Variants in NR3C2 observed in about 807,000 individuals in gnomAD.
NR3C2 encodes the protein nuclear receptor subfamily 3 group C member 2, also known as mineralocorticoid receptor.
In NR3C2, 15 loss-of-function variants were observed where a neutral mutation model predicts 86.4. The observed-to-expected ratio is 0.17, with a 90% CI of 0.12 to 0.27. The LOEUF is 0.27. NR3C2 is among the 10% of genes least tolerant of loss of function. The pLI is 1.00. For missense variants in NR3C2, 960 were observed against 1,195.6 expected (o/e 0.80, Z 2.91); for synonymous variants, 458 against 450.5 (o/e 1.02, Z -0.21).
chr4:148,097,222 A>G (rs1731317061), intron 8 of NR3C2, among the ~76,000 whole-genome samples: 1 of 152,186 alleles, frequency 6.6e-6, no homozygotes, highest in Non-Finnish European at 1.5e-5. Flanking sequence ...TCAAATAGAC[A>G]ACCTCTGTCA....
chr4:148,305,126 C>G (rs1333734114), intron 2 of NR3C2, among the ~76,000 whole-genome samples: 9 of 151,904 alleles, frequency 5.9e-5, no homozygotes, highest in Non-Finnish European at 1.0e-4. Flanking sequence ...AAATGTAAAG[C>G]TTTTTGGTTT....
chr4:148,142,348 C>T (rs1004944486), intron 6 of NR3C2, among the ~76,000 whole-genome samples: 4 of 152,180 alleles, frequency 2.6e-5, no homozygotes, highest in African/African-American at 9.6e-5. Context: ...GAGTGTATCC[C>T]AGACCTGACG....
rs201232560 is a variant in NR3C2, at chr4:148,194,786, G to A, written c.1974C>T (p.Cys658=). Residue 658 remains cysteine (C), a synonymous_variant, in exon 4 of 9, where the codon TGC becomes TGT. Transcript: ENST00000358102. ...CAGCTTGAAGACATTTCTGAAGTCT[G>A]CAAGCAGGACAATTCTTTCGTCGAA... ...DKIRRKNCPA[C]RLQKCLQAGM... is the part of the protein sequence containing the mutation. The A allele has an allele frequency of 8.1e-6, 13 of 1,612,020 alleles. No individual in the cohort carries two copies. In the East Asian group the frequency reaches 2.7e-4, roughly 33 times the overall value.
At chr4:148,153,735 A>G (rs926057279) in intron 5 of NR3C2, among the ~76,000 whole-genome samples, 16 of 152,284 alleles carry the variant, frequency 1.1e-4, no homozygotes, top group Admixed American at 7.2e-4. Context: ...AACAAAAAAA[A>G]ATGACTAAAA....
At chr4:148,260,948 G>A (rs1023164585) in intron 2 of NR3C2, among the ~76,000 whole-genome samples, 1 of 152,194 alleles carries the variant, frequency 6.6e-6, no homozygotes. Flanking sequence ...AGGAATCATA[G>A]TTCAGTGACA....
chr4:148,337,785 T>A (rs1360991127), intron 2 of NR3C2, among the ~76,000 whole-genome samples: 2 of 152,200 alleles, frequency 1.3e-5, no homozygotes, highest in Non-Finnish European at 2.9e-5. Context: ...CATATCCTCA[T>A]TAGCACATTT....
intron 8 of NR3C2, among the ~76,000 whole-genome samples, chr4:148,096,581 T>C (rs994269826): frequency 8.5e-5 from 13 of 152,208 alleles, no homozygotes; most frequent in African/African-American, 3.1e-4. Context: ...TTCTCTTGAT[T>C]CTATGATGCC....
At chr4:148,417,511 T>C (rs1271019708) in intron 2 of NR3C2, among the ~76,000 whole-genome samples, 1 of 152,214 alleles carries the variant, frequency 6.6e-6, no homozygotes, top group African/African-American at 2.4e-5. Flanking sequence ...GATGGTTTTA[T>C]ATAATATGTT....
At chr4:148,398,221 A>C (rs1747959371) in intron 2 of NR3C2, among the ~76,000 whole-genome samples, 1 of 152,220 alleles carries the variant, frequency 6.6e-6, no homozygotes, top group Non-Finnish European at 1.5e-5. Flanking sequence ...ATTCACAGAT[A>C]CCAGTAGGAC....
At chr4:148,106,552 C>T (rs777737155) in intron 8 of NR3C2, among the ~76,000 whole-genome samples, 11 of 152,098 alleles carry the variant, frequency 7.2e-5, no homozygotes, top group Non-Finnish European at 1.6e-4. Context: ...GCCCGTATAG[C>T]CAAGACAATA....
intron 3 of NR3C2, among the ~76,000 whole-genome samples, chr4:148,229,640 C>T (rs1349480517): frequency 6.6e-6 from 1 of 152,114 alleles, no homozygotes; most frequent in Non-Finnish European, 1.5e-5. Context: ...TTACCACAGG[C>T]CACAGATACT....
chr4:148,359,345 C>G (rs1271144871), intron 2 of NR3C2, among the ~76,000 whole-genome samples: 1 of 152,106 alleles, frequency 6.6e-6, no homozygotes, highest in Non-Finnish European at 1.5e-5. Flanking sequence ...ATGTATCAGA[C>G]CACATAGTTC....
chr4:148,385,919 C>T (rs1424787689), intron 2 of NR3C2, among the ~76,000 whole-genome samples: 2 of 152,198 alleles, frequency 1.3e-5, no homozygotes, highest in African/African-American at 4.8e-5. Context: ...CTTTCAGGCA[C>T]ATTTTGCCAC....
chr4:148,324,399 A>G (rs1743844356), intron 2 of NR3C2, among the ~76,000 whole-genome samples: 2 of 147,088 alleles, frequency 1.4e-5, no homozygotes, highest in South Asian at 2.2e-4. Context: ...ATGTGTCTGT[A>G]TTGCACATTT....
intron 2 of NR3C2, among the ~76,000 whole-genome samples, chr4:148,305,857 C>T (rs1286928395): frequency 6.6e-6 from 1 of 152,140 alleles, no homozygotes; most frequent in Non-Finnish European, 1.5e-5. Context: ...GTTATTAATT[C>T]AATATGTTTC....
At chr4:148,381,876 C>A (rs1260630747) in intron 2 of NR3C2, among the ~76,000 whole-genome samples, 1 of 152,104 alleles carries the variant, frequency 6.6e-6, no homozygotes, top group Non-Finnish European at 1.5e-5. Flanking sequence ...ATACCTTCAC[C>A]CTCTATGCAT....
At chr4:148,444,955 C>G (rs968989190), upstream of NR3C2, 16 of 984,810 alleles carry the variant, frequency 1.6e-5, no homozygotes, top group South Asian at 9.4e-5. Context: ...ACAGCTCCGG[C>G]GGCCGAGCGC....
At chr4:148,192,027 G>A (rs545157874) in intron 4 of NR3C2, among the ~76,000 whole-genome samples, 3 of 152,284 alleles carry the variant, frequency 2.0e-5, no homozygotes, top group Admixed American at 6.5e-5. Context: ...CATTGCTGGT[G>A]CACTTGTGTG....
At chr4:148,292,063 G>A (rs1202314852) in intron 2 of NR3C2, among the ~76,000 whole-genome samples, 2 of 151,928 alleles carry the variant, frequency 1.3e-5, no homozygotes, top group Non-Finnish European at 2.9e-5. Context: ...TTGCACCATT[G>A]AGGTAATAAG....
Sources: allele counts gnomAD v4.1 joint callset (sites outside exome capture counted in the v4.1 genomes callset), GRCh38; gene constraint gnomAD v4.1.1; transcripts MANE v1.5; gene names NCBI Gene and HGNC (gene_info 2026-07-23, HGNC 2026-07-21).